The following ARHGEF28 variants were observed in gnomAD, a reference collection of about 807,000 sequenced individuals.
ARHGEF28 encodes the protein Rho guanine nucleotide exchange factor 28.
A neutral mutation model predicts 206.6 loss-of-function variants in ARHGEF28; 152 were observed. That is an observed-to-expected ratio of 0.74 (90% CI 0.64 to 0.84). The LOEUF (loss-of-function observed/expected upper bound fraction) is 0.84. ARHGEF28 is among the 40% of genes least tolerant of loss of function. The probability of loss-of-function intolerance (pLI) is 0.00; values close to 1 mark genes in which losing one functional copy is unlikely to be tolerated. For synonymous variants in ARHGEF28, 763 were observed against 776.4 expected, an observed-to-expected ratio of 0.98 and a Z score of 0.29; for missense variants, 2,028 against 2,073.2, an observed-to-expected ratio of 0.98 and a Z score of 0.42.
At position 73,901,214 on chromosome 5, in the gene ARHGEF28, G is replaced by A; in HGVS notation, c.4004G>A (p.Gly1335Asp). The change falls in exon 31 of 36, where the codon GGC (glycine) becomes GAC (aspartate). Residue 1335 changes from glycine to aspartate, a missense_variant. Transcript: ENST00000513042. ...SLVTGGREGR[G>D]CSDVDPGIQG... ...GTCACAGGAGGGAGAGAAGGAAGAG[G>A]CTGTTCGGATGTGGATCCCGGGATC... is the stretch of plus-strand genomic sequence containing the variant. The A allele has an allele frequency of 6.2e-7, 1 of 1,613,400 alleles. No individual in the cohort carries two copies. The highest frequency in any genetic ancestry group is 8.5e-7 in the Non-Finnish European group (1 of 1,179,628).
At chr5:73,813,642 A>G in intron 9 of ARHGEF28, 1 of 1,535,874 alleles carries the variant, frequency 6.5e-7, no homozygotes, top group Non-Finnish European at 8.7e-7. Context: ...CCTTTCCCAA[A>G]ATGAAGATTC....
Position 73,855,595 on chromosome 5 carries a change from G to A in ARHGEF28, c.1791-2061G>A, listed in dbSNP as rs1466612632. ...AAAAATATGAAAATCAGCTGGGCCT[G>A]GTGGTGGGCGCCTGTAATTCCAGCT... On this transcript the variant is annotated intron_variant, in intron 14 of 35. Coordinates refer to ENST00000513042, the MANE Select transcript of ARHGEF28 (RefSeq NM_001177693.2). Among the ~76,000 whole-genome samples, 6 of 152,088 alleles carry A rather than the reference G, an allele frequency of 3.9e-5. No homozygotes were observed. In the East Asian group the frequency reaches 1.2e-3, roughly 29 times the overall value.
intron 1 of ARHGEF28, among the ~76,000 whole-genome samples, chr5:73,662,553 G>A (rs948986124): frequency 2.6e-5 from 4 of 152,138 alleles, no homozygotes; most frequent in Non-Finnish European, 4.4e-5. Context: ...ATAAAACCAT[G>A]TGCTGCAATG....
intron 1 of ARHGEF28, among the ~76,000 whole-genome samples, chr5:73,671,632 C>T (rs763582353): frequency 2.1e-5 from 3 of 142,638 alleles, no homozygotes; most frequent in East Asian, 2.1e-4. Context: ...AACAATACAG[C>T]GATACTTAGG....
At position 73,842,291 on chromosome 5, in the gene ARHGEF28, T is replaced by C. The variant is rs1653728723; in HGVS notation, c.1427+1531T>C. ...CATATGTGACTATGTATATAAATAT[T>C]TCTCTGTGAATGAACATGCACATAG... On this transcript the variant is annotated intron_variant, in intron 11 of 35. Coordinates refer to ENST00000513042, the MANE Select transcript of ARHGEF28 (RefSeq NM_001177693.2). Among the ~76,000 whole-genome samples, 4 of 152,204 alleles carry C rather than the reference T, an allele frequency of 2.6e-5. No individual in the cohort carries two copies. In the South Asian group the frequency reaches 8.3e-4, roughly 32 times the overall value.
intron 2 of ARHGEF28, among the ~76,000 whole-genome samples, chr5:73,698,332 C>T (rs1268385525): frequency 6.6e-6 from 1 of 152,146 alleles, no homozygotes; most frequent in African/African-American, 2.4e-5. Context: ...CCACCAAGAA[C>T]ACTTTGGATA....
chr5:73,648,325 T>C (rs1744574732), intron 1 of ARHGEF28, among the ~76,000 whole-genome samples: 1 of 152,218 alleles, frequency 6.6e-6, no homozygotes, highest in African/African-American at 2.4e-5. Context: ...GGAGGGTGTT[T>C]CTGTACTATA....
intron 9 of ARHGEF28, among the ~76,000 whole-genome samples, chr5:73,830,678 C>A (rs189018874): frequency 9.0e-4 from 137 of 152,202 alleles, no homozygotes; most frequent in Non-Finnish European, 1.8e-3. Flanking sequence ...GAAGCAGAAT[C>A]TGAAGCCAGG....
intron 1 of ARHGEF28, among the ~76,000 whole-genome samples, chr5:73,681,784 T>C (rs1489538165): frequency 6.6e-6 from 1 of 151,904 alleles, no homozygotes; most frequent in African/African-American, 2.4e-5. Flanking sequence ...CACTGCGCTC[T>C]AGCCTGGGCA....
intron 33 of ARHGEF28, among the ~76,000 whole-genome samples, chr5:73,906,386 G>T (rs911158484): frequency 6.6e-6 from 1 of 152,134 alleles, no homozygotes; most frequent in African/African-American, 2.4e-5. Context: ...CTATAGGCGT[G>T]TGCCACCAAG....
At chr5:73,868,317 T>C in intron 20 of ARHGEF28, 90 bp downstream of exon 20, 1 of 1,412,178 alleles carries the variant, frequency 7.1e-7, no homozygotes, top group East Asian at 2.5e-5. Flanking sequence ...TGAAGCATTT[T>C]TTTTTTCTTT....
rs199889079 is a variant in ARHGEF28 at position 73,806,389 on chromosome 5, G to C, written c.1024+10998G>C. Among the ~76,000 whole-genome samples the C allele has an allele frequency of 1.4e-4, 10 of 71,918 alleles. 1 individual carries two copies. The highest frequency in any genetic ancestry group is 6.1e-4 in the African/African-American group (10 of 16,478). The allele number at this position is 71,918 out of a possible 152,430, so 47.2% of individuals were successfully genotyped here. Reference sequence around the variant, plus strand: ...TATATATACTATATATAGATATATAGATATATATACATATATAGATATATA... The same window carrying C: ...TATATATACTATATATAGATATATACATATATATACATATATAGATATATA... On this transcript the variant is annotated intron_variant, in intron 9 of 35. Coordinates refer to ENST00000513042, the MANE Select transcript of ARHGEF28 (RefSeq NM_001177693.2).
chr5:73,919,890 G>A (rs1403081284), intron 35 of ARHGEF28, among the ~76,000 whole-genome samples: 3 of 152,186 alleles, frequency 2.0e-5, no homozygotes, highest in Non-Finnish European at 4.4e-5. Flanking sequence ...AATAATTTAT[G>A]TAATGTCTGT....
At chr5:73,894,830 T>C (rs1486290738) in intron 29 of ARHGEF28, among the ~76,000 whole-genome samples, 1 of 152,170 alleles carries the variant, frequency 6.6e-6, no homozygotes, top group East Asian at 1.9e-4. Context: ...CGCTCTGTTT[T>C]AGATAGGGTG....
intron 30 of ARHGEF28, chr5:73,900,260 C>T (rs1485424915): frequency 1.3e-5 from 2 of 152,136 alleles, no homozygotes; most frequent in Admixed American, 1.3e-4. Flanking sequence ...TTTAAAAAGA[C>T]ACAATAAAAA....
chr5:73,916,050 A>G (rs1404861076), intron 35 of ARHGEF28, among the ~76,000 whole-genome samples: 1 of 152,200 alleles, frequency 6.6e-6, no homozygotes, highest in Non-Finnish European at 1.5e-5. Context: ...TATTTAGAAT[A>G]CCTCATCTTG....
intron 2 of ARHGEF28, among the ~76,000 whole-genome samples, chr5:73,728,356 T>C (rs1218624418): frequency 6.6e-6 from 1 of 152,224 alleles, no homozygotes; most frequent in Non-Finnish European, 1.5e-5. Context: ...CCCTTTGTTG[T>C]GCCCCTACAG....
intron 29 of ARHGEF28, among the ~76,000 whole-genome samples, chr5:73,896,200 A>C (rs2112695232): frequency 6.6e-6 from 1 of 152,282 alleles, no homozygotes; most frequent in South Asian, 2.1e-4. Flanking sequence ...TTTTGAGATG[A>C]GGATTGAGAA....
chr5:73,670,704 T>TA (rs1255317546), intron 1 of ARHGEF28, among the ~76,000 whole-genome samples: 1 of 152,260 alleles, frequency 6.6e-6, no homozygotes, highest in Non-Finnish European at 1.5e-5. Flanking sequence ...TATGCATTGA[T>TA]ATCTCATTGT....
Sources: gnomAD v4.1 joint callset for allele counts (sites outside exome capture counted in the v4.1 genomes callset) on GRCh38, gnomAD v4.1.1 for gene constraint, MANE v1.5 for transcripts, NCBI Gene and HGNC (gene_info 2026-07-23, HGNC 2026-07-21) for gene names.